PRPF31: variants seen among roughly 807,000 people sequenced by gnomAD.
PRPF31 encodes the protein U4/U6 small nuclear ribonucleoprotein Prp31.
In PRPF31, 12 loss-of-function variants were observed where a neutral mutation model predicts 60.4. The observed-to-expected ratio is 0.20, with a 90% CI of 0.13 to 0.32. The LOEUF (loss-of-function observed/expected upper bound fraction) is 0.32. Ranked by LOEUF, PRPF31 falls within the 10% of genes least tolerant of loss-of-function variation. PRPF31 has a pLI of 1.00. For synonymous variants in PRPF31, 287 were observed against 287.9 expected, an observed-to-expected ratio of 1.00 and a Z score of 0.03; for missense variants, 431 against 687.1, an observed-to-expected ratio of 0.63 and a Z score of 4.17.
chr19:54,125,199 A>G, intron 8 of PRPF31: 2 of 170,522 alleles, frequency 1.2e-5, no homozygotes, highest in Non-Finnish European at 1.3e-5. Context: ...GCACACACAC[A>G]GGCCCGCTAG....
At chr19:54,128,824 C>T (rs587707051) in intron 11 of PRPF31, among the ~76,000 whole-genome samples, 1 of 152,320 alleles carries the variant, frequency 6.6e-6, no homozygotes, top group African/African-American at 2.4e-5. Flanking sequence ...GGAATGGCCT[C>T]CCAACTCTGA....
chr19:54,118,139 T>G, intron 1 of PRPF31, 132 bp from the exon 2 acceptor site: 1 of 1,270,680 alleles, frequency 7.9e-7, no homozygotes, highest in Non-Finnish European at 1.1e-6. Context: ...AAAGCACCTG[T>G]TGTCGTGGAG....
rs1600360067 is a variant in PRPF31 at position 54,129,050 on chromosome 19, C to T, written c.1147-7C>T. ...CTGAACTGCAGGGCGCCTCCTCTCCCCCCTAGATCGAGGAGGACGCCTACC... is the reference window on the plus strand; with the variant it reads ...CTGAACTGCAGGGCGCCTCCTCTCCTCCCTAGATCGAGGAGGACGCCTACC... On this transcript the variant is annotated splice_polypyrimidine_tract_variant and splice_region_variant and intron_variant, in intron 11 of 13. Transcript: ENST00000321030. The T allele has an allele frequency of 2.6e-6, 4 of 1,567,614 alleles. No homozygotes were observed. The East Asian group carries it at 9.3e-5, about 36-fold the overall frequency.
At chr19:54,125,154 G>T (rs1016656683) in intron 8 of PRPF31, 1 of 215,160 alleles carries the variant, frequency 4.6e-6, no homozygotes, top group Admixed American at 5.3e-5. Flanking sequence ...CCCTGCAGTC[G>T]GGACACATCA....
Position 54,124,062 on chromosome 19 carries a change from C to T in PRPF31, c.697+144C>T, listed in dbSNP as rs1458835431. The T allele has an allele frequency of 6.1e-6, 9 of 1,471,060 alleles. No individual in the cohort carries two copies. In the Admixed American group the frequency reaches 1.9e-4, roughly 32 times the overall value. The allele number at this position is 1,471,060 out of a possible 1,614,324, so 91.1% of individuals were successfully genotyped here. ...CCTGGACATCACAGAGGTCAGCCAG[C>T]CTGGCACACAGCAAAGCCTCATCTG... On this transcript the variant is annotated intron_variant, in intron 7 of 13. Transcript: ENST00000321030.
At chr19:54,130,291 C>T (rs11669539) in intron 13 of PRPF31, among the ~76,000 whole-genome samples, 1,623 of 106,740 alleles carry the variant, frequency 0.015, 4 homozygotes, top group East Asian at 0.033. Context: ...AATGCCAGGC[C>T]GGGCGCAGAC....
At chr19:54,129,550 G>C (rs587634168) in intron 13 of PRPF31, among the ~76,000 whole-genome samples, 180 bp downstream of exon 13, 1 of 148,944 alleles carries the variant, frequency 6.7e-6, no homozygotes, top group South Asian at 2.3e-4. Flanking sequence ...TAGCAGAGAC[G>C]AGAGCCCAGC....
Position 54,118,353 on chromosome 19 carries a change from G to A in PRPF31, c.75G>A (p.Glu25=). The A allele has an allele frequency of 1.2e-6, 2 of 1,614,016 alleles. No homozygotes were observed. Among genetic ancestry groups the A allele is most frequent in the Admixed American group, 1.7e-5 (1 of 60,024 alleles). The change falls in exon 2 of 14, where the codon GAG becomes GAA. Residue 25 remains glutamate, a synonymous_variant. Transcript: ENST00000321030. ...AGGAGGAAGGAGGAAGCTATGGGGA[G>A]GAAGAAGAGGAGCCAGCGATCGAGG... ...AEEEEGGSYG[E]EEEEPAIEDV... is the part of the protein sequence containing the mutation.
chr19:54,124,472 C>T, intron 7 of PRPF31, 27 bp from the exon 8 acceptor site: 1 of 1,578,764 alleles, frequency 6.3e-7, no homozygotes, highest in Non-Finnish European at 8.6e-7. Flanking sequence ...CTGACCGCCC[C>T]CCCTTCCTCC....
Position 54,129,259 on chromosome 19 carries a change from GTCC to G in PRPF31, c.1276-9_1276-7del, listed in dbSNP as rs1460293693. On this transcript the variant is annotated splice_polypyrimidine_tract_variant and intron_variant, in intron 12 of 13. Coordinates refer to ENST00000321030, the MANE Select transcript of PRPF31 (RefSeq NM_015629.4). ...GGGGAGCCCAGATCGCAGCCTCCCT[GTCC>G]TCCCCACAGCGGACCCTGCAGAAGC... 1 of 1,609,850 alleles carries G rather than the reference GTCC, an allele frequency of 6.2e-7. No individual in the cohort carries two copies. The highest frequency in any genetic ancestry group is 8.5e-7 in the Non-Finnish European group (1 of 1,178,792).
Position 54,121,877 on chromosome 19 carries a change from G to T in PRPF31, c.256G>T (p.Ala86Ser), listed in dbSNP as rs1355384032. The T allele has an allele frequency of 1.2e-6, 2 of 1,611,940 alleles. No individual in the cohort carries two copies. Among genetic ancestry groups the T allele is most frequent in the East Asian group, 4.5e-5 (2 of 44,814 alleles). ...KASEVMGPVE[A>S]APEYRVIVDA... Reference sequence around the variant, plus strand: ...CCTCACAGTGATGGGACCAGTGGAGGCCGCGCCTGAATACCGCGTCATCGT... The same window carrying T: ...CCTCACAGTGATGGGACCAGTGGAGTCCGCGCCTGAATACCGCGTCATCGT... The change falls in exon 4 of 14, where the codon GCC (alanine) becomes TCC (serine). Residue 86 changes from alanine (A) to serine (S), a missense_variant. This residue lies in a region of PRPF31 where 113 missense variants were observed against 173.8 expected (regional missense o/e 0.65). Transcript: ENST00000321030.
intron 3 of PRPF31, among the ~76,000 whole-genome samples, chr19:54,120,567 C>T (rs1254703334): frequency 2.0e-5 from 3 of 152,218 alleles, no homozygotes; most frequent in Admixed American, 6.5e-5. Context: ...CTGGCTGTGA[C>T]ATCAGGCAGT....
At chr19:54,128,578 C>T (rs1266434820) in intron 11 of PRPF31, among the ~76,000 whole-genome samples, 1 of 146,608 alleles carries the variant, frequency 6.8e-6, no homozygotes, top group Non-Finnish European at 1.5e-5. Context: ...GAGCCTGTGT[C>T]TCCGCTGCTT....
intron 9 of PRPF31, 105 bp from the exon 10 acceptor site, chr19:54,127,968 G>A (rs587644655): frequency 1.4e-6 from 2 of 1,475,934 alleles, no homozygotes; most frequent in East Asian, 2.5e-5. Flanking sequence ...AGCATTAGGT[G>A]CTGATTTAAC....
At chr19:54,131,093 G>A (rs1324698059) in intron 13 of PRPF31, among the ~76,000 whole-genome samples, 1 of 152,104 alleles carries the variant, frequency 6.6e-6, no homozygotes, top group Non-Finnish European at 1.5e-5. Context: ...GAGGAACTTC[G>A]TACAAATCCA....
chr19:54,129,247 C>G (rs587660595), intron 12 of PRPF31, 25 bp from the exon 13 acceptor site: 20 of 1,607,146 alleles, frequency 1.2e-5, no homozygotes, highest in Middle Eastern at 1.7e-4. Context: ...GAGCCCAGAT[C>G]GCAGCCTCCC....
chr19:54,128,014 G>A (rs2146443291), intron 9 of PRPF31, 59 bp from the exon 10 acceptor site: 1 of 1,547,666 alleles, frequency 6.5e-7, no homozygotes, highest in East Asian at 2.4e-5. Context: ...CCGCTCAGAG[G>A]AGGCCTGGGT....
intron 8 of PRPF31, 34 bp from the exon 9 acceptor site, chr19:54,126,494 A>T (rs2073924157): frequency 6.3e-7 from 1 of 1,598,790 alleles, no homozygotes. Context: ...TGTCTGTCTC[A>T]CACAGATTCC....
In PRPF31 at chr19:54,125,695, G is replaced by A. The variant is rs182396783; in HGVS notation, c.856-833G>A. 2.4e-3 allele frequency among the ~76,000 whole-genome samples: 366 copies of A among 152,290 alleles called. 5 individuals carry two copies. Among genetic ancestry groups the A allele is most frequent in the Non-Finnish European group, 3.1e-3 (210 of 68,008 alleles). ...TGGCCCCACCCCCCAGCCCTGTGTG[G>A]GGTTTTTTTTGTGGTCTTTTCTGCG... On this transcript the variant is annotated intron_variant, in intron 8 of 13. Transcript: ENST00000321030.
Sources: allele counts gnomAD v4.1 joint callset (sites outside exome capture counted in the v4.1 genomes callset), GRCh38; gene constraint gnomAD v4.1.1; regional missense constraint gnomAD v4.1.1; transcripts MANE v1.5; gene names NCBI Gene and HGNC (gene_info 2026-07-23, HGNC 2026-07-21).